GRID2: variants seen among roughly 807,000 people sequenced by gnomAD.
The protein encoded by GRID2 is glutamate ionotropic receptor delta type subunit 2.
A neutral mutation model predicts 114.8 loss-of-function variants in GRID2; 33 were observed. The observed-to-expected ratio is 0.29, with a 90% CI of 0.22 to 0.38. GRID2 has a LOEUF of 0.38. Ranked by LOEUF, GRID2 falls within the 10% of genes least tolerant of loss-of-function variation. The pLI, the probability that GRID2 is intolerant of heterozygous loss-of-function variation, is 1.00. For missense variants in GRID2, 1,184 were observed against 1,257.7 expected, an observed-to-expected ratio of 0.94 and a Z score of 0.89; for synonymous variants, 505 against 449.9, an observed-to-expected ratio of 1.12 and a Z score of -1.55.
At chr4:92,987,336 A>G (rs187628696) in intron 2 of GRID2, among the ~76,000 whole-genome samples, 275 of 152,214 alleles carry the variant, frequency 1.8e-3, no homozygotes, top group Middle Eastern at 6.8e-3. Context: ...TCTTCATGTA[A>G]TGGCTTCACT....
At chr4:92,641,226 T>C (rs1731330760) in intron 2 of GRID2, among the ~76,000 whole-genome samples, 1 of 151,620 alleles carries the variant, frequency 6.6e-6, no homozygotes, top group African/African-American at 2.4e-5. Flanking sequence ...CATATAGACA[T>C]CCTAAATATA....
intron 2 of GRID2, among the ~76,000 whole-genome samples, chr4:92,891,777 G>A (rs114734815): frequency 2.6e-5 from 4 of 152,150 alleles, no homozygotes; most frequent in Non-Finnish European, 5.9e-5. Context: ...TGGGGGTGCA[G>A]AGTACAGAGC....
At chr4:93,088,710 A>G (rs1353711441) in intron 3 of GRID2, among the ~76,000 whole-genome samples, 1 of 152,140 alleles carries the variant, frequency 6.6e-6, no homozygotes, top group Non-Finnish European at 1.5e-5. Flanking sequence ...TTAATTTGTC[A>G]GACACTAGAA....
intron 2 of GRID2, among the ~76,000 whole-genome samples, chr4:92,874,135 A>C (rs1401127160): frequency 6.6e-6 from 1 of 152,020 alleles, no homozygotes; most frequent in South Asian, 2.1e-4. Flanking sequence ...GAAACCCTCA[A>C]CCTTTGAATA....
At chr4:93,239,286 C>CAT (rs1364585094) in intron 8 of GRID2, among the ~76,000 whole-genome samples, 7 of 148,820 alleles carry the variant, frequency 4.7e-5, no homozygotes, top group African/African-American at 1.7e-4. Flanking sequence ...TATATCAAAT[C>CAT]ATATGTATAT....
intron 1 of GRID2, among the ~76,000 whole-genome samples, chr4:92,337,694 C>T (rs1247843524): frequency 6.6e-6 from 1 of 152,132 alleles, no homozygotes; most frequent in Non-Finnish European, 1.5e-5. Flanking sequence ...TGGGAGCAAC[C>T]ACTCCCGTGA....
chr4:93,771,148 G>C (rs989286180), intron 15 of GRID2, among the ~76,000 whole-genome samples: 2 of 152,054 alleles, frequency 1.3e-5, no homozygotes, highest in Non-Finnish European at 2.9e-5. Context: ...CTGTAAATAA[G>C]ACTAATAACA....
intron 2 of GRID2, among the ~76,000 whole-genome samples, chr4:93,076,377 T>A (rs1000920114): frequency 1.3e-5 from 2 of 152,160 alleles, no homozygotes; most frequent in Non-Finnish European, 2.9e-5. Context: ...GATTTTCACT[T>A]GCAGAAGTTG....
chr4:92,411,237 T>A (rs1731284118), intron 1 of GRID2, among the ~76,000 whole-genome samples: 1 of 152,140 alleles, frequency 6.6e-6, no homozygotes, highest in African/African-American at 2.4e-5. Flanking sequence ...ATTTGACACC[T>A]TACTTCTCCT....
intron 1 of GRID2, among the ~76,000 whole-genome samples, chr4:92,580,177 T>A (rs1728111160): frequency 6.6e-6 from 1 of 151,288 alleles, no homozygotes; most frequent in Non-Finnish European, 1.5e-5. Context: ...TCTACAGTTA[T>A]AATAGAATTT....
chr4:92,912,050 G>T (rs887509582), intron 2 of GRID2, among the ~76,000 whole-genome samples: 1 of 151,646 alleles, frequency 6.6e-6, no homozygotes, highest in Non-Finnish European at 1.5e-5. Context: ...AATAATAGAA[G>T]ATAATATTTT....
rs907992994 is a variant in GRID2 at position 92,643,677 on chromosome 4, T to C, written c.244+53391T>C. Among the ~76,000 whole-genome samples, 28 of 151,750 alleles carry C rather than the reference T, an allele frequency of 1.8e-4. 1 individual carries two copies. The highest frequency in any genetic ancestry group is 6.8e-4 in the African/African-American group (28 of 41,398). ...ACTGGGTCTCCTTATGTTGTTCAGGTTGGTCTCAAACCCCTGGCCTGAAGT... is the reference window on the plus strand; with the variant it reads ...ACTGGGTCTCCTTATGTTGTTCAGGCTGGTCTCAAACCCCTGGCCTGAAGT... On this transcript the variant is annotated intron_variant, in intron 2 of 15. Coordinates refer to ENST00000282020, the MANE Select transcript of GRID2 (RefSeq NM_001510.4).
intron 2 of GRID2, among the ~76,000 whole-genome samples, chr4:93,056,270 AG>A (rs1299484259): frequency 6.6e-6 from 1 of 151,976 alleles, no homozygotes; most frequent in Non-Finnish European, 1.5e-5. Flanking sequence ...GTTTTCTATC[AG>A]CAGCTTAGAG....
At chr4:93,470,121 G>C (rs2149433016) in intron 11 of GRID2, among the ~76,000 whole-genome samples, 1 of 152,036 alleles carries the variant, frequency 6.6e-6, no homozygotes, top group Admixed American at 6.5e-5. Flanking sequence ...TCATTAAAAA[G>C]GATAAGCATA....
intron 1 of GRID2, among the ~76,000 whole-genome samples, chr4:92,383,392 A>T (rs756759544): frequency 6.6e-6 from 1 of 152,052 alleles, no homozygotes; most frequent in Non-Finnish European, 1.5e-5. Context: ...AATCATTAAG[A>T]ATCACATATA....
chr4:93,634,627 G>A (rs754507680), intron 14 of GRID2, among the ~76,000 whole-genome samples: 25 of 152,036 alleles, frequency 1.6e-4, no homozygotes, highest in Non-Finnish European at 2.2e-4. Flanking sequence ...ATGCAGCACC[G>A]TTCACCAGCT....
chr4:93,674,268 A>G (rs1050133606), intron 14 of GRID2, among the ~76,000 whole-genome samples: 3 of 152,126 alleles, frequency 2.0e-5, no homozygotes, highest in African/African-American at 4.8e-5. Flanking sequence ...TAAGATCATC[A>G]TTCTAGTTAA....
chr4:93,248,265 A>G (rs2149526959), intron 8 of GRID2, among the ~76,000 whole-genome samples: 2 of 152,334 alleles, frequency 1.3e-5, no homozygotes, highest in South Asian at 4.1e-4. Context: ...AGGAATTCAC[A>G]GAATTAAGAA....
rs572348744 is a variant in GRID2, at chr4:93,498,155, G to T, written c.1997+7378G>T. On this transcript the variant is annotated intron_variant, in intron 12 of 15. Transcript: ENST00000282020. ...AGGTCTGAGTAATTTATAAAGAATA[G>T]AAATTTATTTCCTCACAGTTCTGGA... Among the ~76,000 whole-genome samples the T allele has an allele frequency of 3.2e-4, 49 of 151,934 alleles. 1 individual carries two copies. The highest frequency in any genetic ancestry group is 4.4e-4 in the Non-Finnish European group (30 of 67,866).
Sources: allele counts gnomAD v4.1 joint callset (sites outside exome capture counted in the v4.1 genomes callset), GRCh38; gene constraint gnomAD v4.1.1; transcripts MANE v1.5; gene names NCBI Gene and HGNC (gene_info 2026-07-23, HGNC 2026-07-21).